Variants in CACNA1E observed in about 807,000 individuals in gnomAD.
CACNA1E encodes the protein calcium voltage-gated channel subunit alpha1 E.
Under a neutral mutation model 259.2 loss-of-function variants are expected in CACNA1E, and 40 were observed. That is an observed-to-expected ratio of 0.15 (90% CI 0.12 to 0.20). The LOEUF (loss-of-function observed/expected upper bound fraction) is 0.20. Among genes scored for constraint, CACNA1E ranks in the 10% least tolerant of loss-of-function variants. The pLI is 1.00. For synonymous variants in CACNA1E, 1,104 were observed against 1,138.5 expected, an observed-to-expected ratio of 0.97 and a Z score of 0.61; for missense variants, 1,874 against 3,040.1, an observed-to-expected ratio of 0.62 and a Z score of 9.02.
At chr1:181,755,145 C>A (rs1657977431) in intron 27 of CACNA1E, 92 bp from the exon 28 acceptor site, 1 of 944,930 alleles carries the variant, frequency 1.1e-6, no homozygotes, top group Non-Finnish European at 1.6e-6. Context: ...CTTGGTGGGG[C>A]TGGGTAGTGG....
chr1:181,652,463 C>G (rs1658840541), intron 7 of CACNA1E, among the ~76,000 whole-genome samples: 1 of 152,050 alleles, frequency 6.6e-6, no homozygotes, highest in South Asian at 2.1e-4. Flanking sequence ...ACAAAGAGAA[C>G]AAGAGGAATG....
chr1:181,677,969 C>T (rs558421767), intron 7 of CACNA1E, among the ~76,000 whole-genome samples: 41 of 152,306 alleles, frequency 2.7e-4, no homozygotes, highest in African/African-American at 9.4e-4. Context: ...GAGGACCTCA[C>T]AGCAGAGGGA....
At chr1:181,399,627 C>CGAG (rs1656946426) in intron 1 of CACNA1E, among the ~76,000 whole-genome samples, 2 of 152,178 alleles carry the variant, frequency 1.3e-5, no homozygotes, top group Admixed American at 6.5e-5. Context: ...GGAATGTGAT[C>CGAG]GAGCTGACTC....
At chr1:181,771,963 G>C in intron 36 of CACNA1E, 103 bp from the exon 37 acceptor site, 1 of 1,024,720 alleles carries the variant, frequency 9.8e-7, no homozygotes. Context: ...AGAGCCTGTT[G>C]GGCCCAGACA....
chr1:181,807,901 G>GAAGTTAA lies in CACNA1E; in HGVS notation c.*9068_*9069insAGTTAAA, dbSNP rs1662738308. 1 of 152,094 alleles carries GAAGTTAA rather than the reference G, an allele frequency of 6.6e-6. No individual in the cohort carries two copies. Among genetic ancestry groups the GAAGTTAA allele is most frequent in the Admixed American group, 6.5e-5 (1 of 15,280 alleles). The allele number at this position is 152,094 out of a possible 1,614,324, so 9.4% of individuals were successfully genotyped here. On this transcript the variant is annotated 3_prime_UTR_variant, in exon 48 of 48. Coordinates refer to ENST00000367573, the MANE Select transcript of CACNA1E (RefSeq NM_001205293.3). ...TCTATCACCATTGGAGTTAGAATCT[G>GAAGTTAA]ACAACCTTTAACTTCACACTTTTAT...
intron 3 of CACNA1E, among the ~76,000 whole-genome samples, chr1:181,561,434 C>T (rs1244966790): frequency 6.6e-6 from 1 of 152,156 alleles, no homozygotes; most frequent in Admixed American, 6.5e-5. Flanking sequence ...CAAATTCCTT[C>T]CAGCCTCTTT....
chr1:181,458,254 G>A lies in CACNA1E; in HGVS notation c.435-25490G>A, dbSNP rs76847550. Among the ~76,000 whole-genome samples the A allele has an allele frequency of 7.8e-4, 119 of 152,290 alleles. 2 individuals carry two copies. The highest frequency in any genetic ancestry group is 1.5e-3 in the Non-Finnish European group (100 of 68,022). The stretch of plus-strand genomic sequence containing the variant: ...GGCCACGGAGGCAGAAGAAGATATG[G>A]GTGACTTCAGGCTGGTGCTTCGGGG... On this transcript the variant is annotated intron_variant, in intron 2 of 11. Coordinates refer to the CACNA1E transcript ENST00000524607.
chr1:181,665,810 A>G (rs1020459839), intron 7 of CACNA1E, among the ~76,000 whole-genome samples: 3 of 152,176 alleles, frequency 2.0e-5, no homozygotes, highest in Non-Finnish European at 4.4e-5. Context: ...ACAGACCTGG[A>G]TTTAATGTTC....
At chr1:181,328,405 C>G (rs1170185349) in intron 1 of CACNA1E, among the ~76,000 whole-genome samples, 1 of 152,138 alleles carries the variant, frequency 6.6e-6, no homozygotes, top group Non-Finnish European at 1.5e-5. Flanking sequence ...GGGGAGGATA[C>G]AAACATTCAG....
At chr1:181,356,123 A>G (rs75079304) in intron 1 of CACNA1E, among the ~76,000 whole-genome samples, 3,286 of 152,318 alleles carry the variant, frequency 0.022, 116 homozygotes, top group African/African-American at 0.075. Context: ...GGTGCCCTGC[A>G]GTAGCAGACA....
intron 3 of CACNA1E, among the ~76,000 whole-genome samples, chr1:181,522,519 T>C (rs1228531919): frequency 6.6e-6 from 1 of 152,206 alleles, no homozygotes; most frequent in Non-Finnish European, 1.5e-5. Flanking sequence ...CCCACATGCT[T>C]GTTTATGGGA....
intron 6 of CACNA1E, among the ~76,000 whole-genome samples, chr1:181,647,635 A>G (rs1348922557): frequency 6.6e-6 from 1 of 152,088 alleles, no homozygotes; most frequent in African/African-American, 2.4e-5. Context: ...ATCTCAAAGG[A>G]CGCTTGAGTC....
At chr1:181,695,710 C>A (rs1324720613) in intron 7 of CACNA1E, among the ~76,000 whole-genome samples, 1 of 152,162 alleles carries the variant, frequency 6.6e-6, no homozygotes, top group Non-Finnish European at 1.5e-5. Flanking sequence ...TGCCTGTAAT[C>A]CCACTTTGGG....
At chr1:181,385,316 A>T (rs1655763100) in intron 1 of CACNA1E, among the ~76,000 whole-genome samples, 1 of 152,278 alleles carries the variant, frequency 6.6e-6, no homozygotes, top group East Asian at 1.9e-4. Context: ...AAAAACAGGC[A>T]GTGAATTGGT....
At chr1:181,421,896 G>T (rs1337760320) in intron 2 of CACNA1E, among the ~76,000 whole-genome samples, 1 of 152,078 alleles carries the variant, frequency 6.6e-6, no homozygotes, top group Non-Finnish European at 1.5e-5. Context: ...GACACAACAG[G>T]CAGGGACAAT....
rs570176885 is a variant in CACNA1E, at chr1:181,761,872, C to T, written c.4606-702C>T. Among the ~76,000 whole-genome samples the T allele has an allele frequency of 6.6e-5, 10 of 152,300 alleles. No individual in the cohort carries two copies. In the East Asian group the frequency reaches 1.7e-3, roughly 26 times the overall value. On this transcript the variant is annotated intron_variant, in intron 32 of 47. Coordinates refer to ENST00000367573, the MANE Select transcript of CACNA1E (RefSeq NM_001205293.3). ...TTTTCCAGGCTCTTTATATCTCCTT[C>T]AGCCCACTCATTGTATTACTGCTTC...
intron 6 of CACNA1E, among the ~76,000 whole-genome samples, chr1:181,592,376 G>A (rs1024824961): frequency 6.6e-6 from 1 of 151,672 alleles, no homozygotes; most frequent in African/African-American, 2.4e-5. Flanking sequence ...CCAGGCTGTC[G>A]GGAGATGCAG....
At chr1:181,464,332 G>T (rs6424813) in intron 2 of CACNA1E, among the ~76,000 whole-genome samples, 1 of 150,866 alleles carries the variant, frequency 6.6e-6, no homozygotes, top group Non-Finnish European at 1.5e-5. Context: ...AAGCTACTTC[G>T]TTTTTTGTTT....
In CACNA1E at chr1:181,696,059, G is replaced by A. The variant is rs573367003; in HGVS notation, c.1056-14895G>A. ...AATTCAGGCGAGACAAATGTTTCTT[G>A]GACAGAATACAATATAAAAAGCATA... On this transcript the variant is annotated intron_variant, in intron 7 of 47. Coordinates refer to ENST00000367573, the MANE Select transcript of CACNA1E (RefSeq NM_001205293.3). 3.9e-5 allele frequency among the ~76,000 whole-genome samples: 6 copies of A among 152,066 alleles called. No individual in the cohort carries two copies. In the East Asian group the frequency reaches 7.7e-4, roughly 20 times the overall value.
Sources: gnomAD v4.1 joint callset for allele counts (sites outside exome capture counted in the v4.1 genomes callset) on GRCh38, gnomAD v4.1.1 for gene constraint, MANE v1.5 for transcripts, NCBI Gene and HGNC (gene_info 2026-07-23, HGNC 2026-07-21) for gene names.